UBN2: variants seen among roughly 807,000 people sequenced by gnomAD.
UBN2 encodes ubinuclein 2, also known as ubinuclein-2.
Under a neutral mutation model 120.2 loss-of-function variants are expected in UBN2, and 35 were observed. The ratio of observed to expected loss-of-function variants is 0.29; its 90% CI spans 0.22 to 0.39. The LOEUF (loss-of-function observed/expected upper bound fraction) is 0.39, where lower values mean the gene tolerates loss of function less well. UBN2 is among the 10% of genes least tolerant of loss of function. UBN2 has a pLI of 1.00. For synonymous variants in UBN2, 661 were observed against 648.7 expected (o/e 1.02, Z -0.29); for missense variants, 1,693 against 1,663.2 (o/e 1.02, Z -0.31).
intron 4 of UBN2, 30 bp from the exon 5 acceptor site, chr7:139,259,237 A>G (rs956195347): frequency 9.9e-6 from 16 of 1,608,062 alleles, no homozygotes; most frequent in Non-Finnish European, 1.3e-5. Flanking sequence ...TGTTACTTAC[A>G]TAAATGATCA....
downstream of UBN2, among the ~76,000 whole-genome samples, chr7:139,310,800 A>G (rs1315792226): frequency 1.3e-5 from 2 of 152,214 alleles, no homozygotes; most frequent in Non-Finnish European, 2.9e-5. Context: ...TAAACTTAGC[A>G]TACGTATACA....
chr7:139,284,571 G>A lies in UBN2; in HGVS notation c.3666G>A (p.Val1222=), dbSNP rs769349366. Residue 1222 remains valine (V), a synonymous_variant, in exon 15 of 18, where the codon GTG becomes GTA. Transcript: ENST00000473989. ...ASGSSVVTAS[V]QSTAGASLLA... Reference sequence around the variant, plus strand: ...GGTCTTCAGTGGTAACAGCCAGTGTGCAGGTATGTATGTTCTGTACGTCCA... The same window carrying A: ...GGTCTTCAGTGGTAACAGCCAGTGTACAGGTATGTATGTTCTGTACGTCCA... 34 of 1,607,468 alleles carry A rather than the reference G, an allele frequency of 2.1e-5. No individual in the cohort carries two copies. The highest frequency in any genetic ancestry group is 2.5e-5 in the Non-Finnish European group (29 of 1,177,324).
chr7:139,233,512 A>G (rs1467810226), intron 1 of UBN2, among the ~76,000 whole-genome samples: 3 of 152,162 alleles, frequency 2.0e-5, no homozygotes, highest in South Asian at 2.1e-4. Context: ...AGCACTGCAC[A>G]TGGTTTTTCT....
At chr7:139,285,201 T>C in intron 15 of UBN2, among the ~76,000 whole-genome samples, 1 of 152,180 alleles carries the variant, frequency 6.6e-6, no homozygotes, top group Non-Finnish European at 1.5e-5. Flanking sequence ...AGTGCCTCAC[T>C]CAAGCAATCT....
chr7:139,266,497 G>A (rs764783740), intron 7 of UBN2, 94 bp downstream of exon 7: 1 of 661,252 alleles, frequency 1.5e-6, no homozygotes, highest in Non-Finnish European at 2.6e-6. Flanking sequence ...CAAGTCTTGG[G>A]CATGAGTTCT....
chr7:139,252,407 A>T (rs1285581798), intron 3 of UBN2, among the ~76,000 whole-genome samples: 4 of 152,240 alleles, frequency 2.6e-5, no homozygotes, highest in African/African-American at 4.8e-5. Context: ...GAGAGCAGCC[A>T]TAGATAATAC....
At chr7:139,314,266 C>A in the UBN2 span, among the ~76,000 whole-genome samples, 2 of 151,012 alleles carry the variant, frequency 1.3e-5, no homozygotes, top group East Asian at 4.1e-4. Context: ...ACTAGCCTGG[C>A]CAATATGGTG....
chr7:139,233,943 T>C (rs1202191606), intron 1 of UBN2, among the ~76,000 whole-genome samples: 1 of 152,092 alleles, frequency 6.6e-6, no homozygotes, highest in African/African-American at 2.4e-5. Context: ...TATATCAACC[T>C]TCTATTTTTT....
chr7:139,253,230 ATC>A, intron 3 of UBN2, among the ~76,000 whole-genome samples: 1 of 93,808 alleles, frequency 1.1e-5, no homozygotes, highest in African/African-American at 1.2e-4. Flanking sequence ...ATAACGGAGC[ATC>A]TGGGTGCATT....
At chr7:139,288,173 A>T (rs766957910) in intron 15 of UBN2, among the ~76,000 whole-genome samples, 21 of 152,168 alleles carry the variant, frequency 1.4e-4, no homozygotes, top group Admixed American at 2.6e-4. Flanking sequence ...GGTGCTGGGG[A>T]TATAGGGATG....
At chr7:139,253,494 A>G (rs1272436470) in intron 3 of UBN2, among the ~76,000 whole-genome samples, 3 of 152,256 alleles carry the variant, frequency 2.0e-5, no homozygotes, top group African/African-American at 7.2e-5. Context: ...GTTGAAATTA[A>G]TCTGGCAGAC....
chr7:139,248,987 G>GTATATGTA (rs1796545710), intron 2 of UBN2, among the ~76,000 whole-genome samples: 2 of 151,318 alleles, frequency 1.3e-5, no homozygotes, highest in Admixed American at 1.3e-4. Flanking sequence ...GTATATATGT[G>GTATATGTA]TATATGTATA....
the UBN2 span, among the ~76,000 whole-genome samples, chr7:139,313,968 C>T: frequency 2.0e-5 from 3 of 151,566 alleles, no homozygotes; most frequent in African/African-American, 7.3e-5. Flanking sequence ...CTTGCCTCAG[C>T]CTCCCAAGTA....
At chr7:139,286,706 A>G (rs1232051735) in intron 15 of UBN2, among the ~76,000 whole-genome samples, 4 of 152,144 alleles carry the variant, frequency 2.6e-5, no homozygotes, top group Non-Finnish European at 5.9e-5. Flanking sequence ...CTTTGAAAAC[A>G]TAACTTTTAT....
At chr7:139,327,839 G>A in the UBN2 span, among the ~76,000 whole-genome samples, 1 of 152,114 alleles carries the variant, frequency 6.6e-6, no homozygotes, top group Non-Finnish European at 1.5e-5. Flanking sequence ...AGATTATCCC[G>A]CTTCTTCAGG....
intron 9 of UBN2, 43 bp downstream of exon 9, chr7:139,272,483 G>T (rs1563217250): frequency 7.4e-7 from 1 of 1,360,464 alleles, no homozygotes; most frequent in South Asian, 1.2e-5. Flanking sequence ...CATTTGAGAA[G>T]TGTATGTACG....
At chr7:139,270,223 A>G (rs796778981) in intron 8 of UBN2, among the ~76,000 whole-genome samples, 1 of 151,742 alleles carries the variant, frequency 6.6e-6, no homozygotes, top group East Asian at 1.9e-4. Context: ...GTAATGCTCA[A>G]TATTGTGCAC....
At position 139,258,538 on chromosome 7, in the gene UBN2, T is replaced by C. The variant is rs1304449242; in HGVS notation, c.714T>C (p.Tyr238=). The C allele has an allele frequency of 5.0e-6, 8 of 1,603,768 alleles. No individual in the cohort carries two copies. The highest frequency in any genetic ancestry group is 6.8e-6 in the Non-Finnish European group (8 of 1,174,432). Residue 238 remains tyrosine, a synonymous_variant, in exon 4 of 18, where the codon TAT becomes TAC. Transcript: ENST00000473989. ...TAACAACAAAATATGGAGGCTTTTA[T>C]ATCAACACTGGCACTCTACAGTTTC... ...ASLTTKYGGF[Y]INTGTLQFRQ...
rs1798241262 is a variant in UBN2 at position 139,300,959 on chromosome 7, A to G, written c.*3123A>G. 6.6e-6 allele frequency: 1 copy of G among 152,210 alleles called. No homozygotes were observed. Among genetic ancestry groups the G allele is most frequent in the Non-Finnish European group, 1.5e-5 (1 of 68,034 alleles). The allele number at this position is 152,210 out of a possible 1,614,324, so 9.4% of individuals were successfully genotyped here. A position where few individuals can be genotyped will look rare whatever the true frequency, so the allele number is the denominator to read the frequency against. Reference sequence around the variant, plus strand: ...GTATGCTTTTGAGGTCAGAGGGTAAATGAAATCGTGATTTTAAAACAGCCT... The same window carrying G: ...GTATGCTTTTGAGGTCAGAGGGTAAGTGAAATCGTGATTTTAAAACAGCCT... On this transcript the variant is annotated 3_prime_UTR_variant, in exon 18 of 18. Transcript: ENST00000473989.
Sources: gnomAD v4.1 joint callset for allele counts (sites outside exome capture counted in the v4.1 genomes callset) on GRCh38, gnomAD v4.1.1 for gene constraint, MANE v1.5 for transcripts, NCBI Gene and HGNC (gene_info 2026-07-23, HGNC 2026-07-21) for gene names.